The following TMEM116 variants were observed in gnomAD, a reference collection of about 807,000 sequenced individuals.
The protein encoded by TMEM116 is transmembrane protein 116.
A neutral mutation model predicts 44.3 loss-of-function variants in TMEM116; 38 were observed. That is an observed-to-expected ratio of 0.86 (90% CI 0.66 to 1.12). The LOEUF (loss-of-function observed/expected upper bound fraction) is 1.12. Ranked by LOEUF, TMEM116 falls within the 50% of genes most tolerant of loss-of-function variation. The pLI is 0.00. For missense variants in TMEM116, 354 were observed against 401.7 expected (o/e 0.88, Z 1.01); for synonymous variants, 132 against 144.8 (o/e 0.91, Z 0.64).
chr12:111,986,741 C>T (rs867626971), intron 4 of TMEM116, among the ~76,000 whole-genome samples: 1 of 151,500 alleles, frequency 6.6e-6, no homozygotes, highest in Admixed American at 6.6e-5. Flanking sequence ...CCCAGAAGGT[C>T]GAGGCTACAG....
intron 3 of TMEM116, among the ~76,000 whole-genome samples, chr12:112,001,665 T>A (rs976943592): frequency 2.0e-5 from 3 of 152,212 alleles, no homozygotes; most frequent in African/African-American, 7.2e-5. Context: ...TAGCTCTCTC[T>A]GTGTGTAAGT....
chr12:112,009,116 G>T (rs922313411), intron 1 of TMEM116, among the ~76,000 whole-genome samples: 29 of 152,100 alleles, frequency 1.9e-4, no homozygotes, highest in African/African-American at 9.7e-5. Flanking sequence ...TAGAATTCAC[G>T]GTGTAATGAT....
At position 112,013,034 on chromosome 12, in the gene TMEM116, G is replaced by C; in HGVS notation, c.-66C>G. 6.1e-6 allele frequency: 1 copy of C among 164,096 alleles called. No homozygotes were observed. The highest frequency in any genetic ancestry group is 1.3e-5 in the Non-Finnish European group (1 of 74,238). 10.2% of individuals were successfully genotyped at this position (164,096 alleles called of 1,614,324 possible). On this transcript the variant is annotated 5_prime_UTR_variant, in exon 1 of 11. Coordinates refer to ENST00000552374, the MANE Select transcript of TMEM116 (RefSeq NM_001193531.2). Reference sequence around the variant, plus strand: ...TGGAGCGGGTCCCAACCAACTGCCTGACGGCCCAAAGGCAGGAAGAAACGA... The same window carrying C: ...TGGAGCGGGTCCCAACCAACTGCCTCACGGCCCAAAGGCAGGAAGAAACGA...
chr12:111,938,273 C>A, intron 5 of TMEM116, 63 bp from the exon 6 acceptor site: 2 of 1,242,034 alleles, frequency 1.6e-6, no homozygotes, highest in South Asian at 1.5e-5. Context: ...TAATAAATAC[C>A]AGATCATCAG....
intron 4 of TMEM116, among the ~76,000 whole-genome samples, chr12:111,979,115 A>C (rs1027103593): frequency 3.9e-5 from 6 of 152,158 alleles, no homozygotes; most frequent in Admixed American, 3.9e-4. Context: ...TAGATCCATG[A>C]TCCATGAAAG....
chr12:111,938,539 T>C lies in TMEM116; in HGVS notation c.316-329A>G, dbSNP rs144564805. Among the ~76,000 whole-genome samples, 712 of 152,338 alleles carry C rather than the reference T, an allele frequency of 4.7e-3. 7 individuals carry two copies. The highest frequency in any genetic ancestry group is 0.016 in the African/African-American group (650 of 41,588). The stretch of plus-strand genomic sequence containing the variant: ...AAAGAAAGGCATATATGAAATCATA[T>C]AGTAACCCTCTATCTTCTAATAACA... On this transcript the variant is annotated intron_variant, in intron 5 of 10. Transcript: ENST00000552374.
At chr12:111,958,900 T>C (rs751114908) in intron 4 of TMEM116, among the ~76,000 whole-genome samples, 21 of 151,918 alleles carry the variant, frequency 1.4e-4, no homozygotes, top group Admixed American at 3.9e-4. Flanking sequence ...ATGGGGAAAA[T>C]GGAACCAAGA....
chr12:112,005,600 A>G, intron 1 of TMEM116: 2 of 738,436 alleles, frequency 2.7e-6, no homozygotes, highest in East Asian at 9.9e-5. Flanking sequence ...TGAGGCTCAT[A>G]CCTGTAATCC....
rs374443962 is a variant in TMEM116, at chr12:111,937,287, A to G, written c.366-44T>C. 5.5e-6 allele frequency: 8 copies of G among 1,443,036 alleles called. No individual in the cohort carries two copies. In the African/African-American group the frequency reaches 1.1e-4, roughly 20 times the overall value. The allele number at this position is 1,443,036 out of a possible 1,614,324, so 89.4% of individuals were successfully genotyped here. ...ATCACCCTAATATCCACTCTTTTTC[A>G]TGCCCTTCCTCCTTTGAAGAATATT... On this transcript the variant is annotated intron_variant, in intron 6 of 10. Coordinates refer to ENST00000552374, the MANE Select transcript of TMEM116 (RefSeq NM_001193531.2).
At chr12:112,012,471 G>A (rs964041224) in intron 1 of TMEM116, 14 of 152,202 alleles carry the variant, frequency 9.2e-5, no homozygotes, top group African/African-American at 3.4e-4. Context: ...TAGAAACGGG[G>A]TTTCACCATG....
At chr12:111,995,374 C>G (rs2076876105) in intron 3 of TMEM116, among the ~76,000 whole-genome samples, 1 of 151,952 alleles carries the variant, frequency 6.6e-6, no homozygotes, top group Non-Finnish European at 1.5e-5. Flanking sequence ...AAATATGAAG[C>G]TAGAACAATT....
intron 5 of TMEM116, among the ~76,000 whole-genome samples, chr12:111,940,548 C>CATATATATGTGTGTATATATATATATAT (rs1206246251): frequency 8.4e-6 from 1 of 119,002 alleles, no homozygotes; most frequent in Admixed American, 9.4e-5. Context: ...TATATATACA[C>CATATATATGTGTGTATATATATATATAT]ACACACATAT....
At chr12:111,990,283 AC>A (rs1279458543) in intron 4 of TMEM116, among the ~76,000 whole-genome samples, 1 of 151,926 alleles carries the variant, frequency 6.6e-6, no homozygotes, top group African/African-American at 2.4e-5. Context: ...AACATTAACC[AC>A]ATCTGTACCA....
chr12:112,007,286 C>A (rs757746037), intron 1 of TMEM116, among the ~76,000 whole-genome samples: 2 of 152,086 alleles, frequency 1.3e-5, no homozygotes, highest in Non-Finnish European at 2.9e-5. Context: ...GGGTGGCATG[C>A]GCCTGTAATC....
chr12:112,006,801 T>C (rs2077605841), intron 1 of TMEM116, among the ~76,000 whole-genome samples: 1 of 152,260 alleles, frequency 6.6e-6, no homozygotes, highest in African/African-American at 2.4e-5. Flanking sequence ...CATTCATTTA[T>C]GTAATTTATC....
chr12:112,005,148 T>C, intron 2 of TMEM116, 109 bp downstream of exon 2: 1 of 660,524 alleles, frequency 1.5e-6, no homozygotes, highest in Non-Finnish European at 2.4e-6. Context: ...ATATCATTTC[T>C]CTTTAACTAA....
chr12:111,991,006 G>A (rs2076531955), intron 4 of TMEM116, among the ~76,000 whole-genome samples: 1 of 152,062 alleles, frequency 6.6e-6, no homozygotes, highest in Non-Finnish European at 1.5e-5. Context: ...AGATCATGAG[G>A]TCAAGAGATC....
intron 3 of TMEM116, among the ~76,000 whole-genome samples, chr12:112,000,269 T>C (rs1391296394): frequency 2.0e-5 from 3 of 152,236 alleles, no homozygotes; most frequent in African/African-American, 2.4e-5. Context: ...TATCATTTTA[T>C]GTGTAGCAAT....
intron 4 of TMEM116, among the ~76,000 whole-genome samples, chr12:111,945,381 A>G (rs1202986057): frequency 6.7e-6 from 1 of 149,022 alleles, no homozygotes; most frequent in Non-Finnish European, 1.5e-5. Context: ...AAGAAGAAAT[A>G]GGTAATTTCA....
Sources: allele counts gnomAD v4.1 joint callset (sites outside exome capture counted in the v4.1 genomes callset), GRCh38; gene constraint gnomAD v4.1.1; transcripts MANE v1.5; gene names NCBI Gene and HGNC (gene_info 2026-07-23, HGNC 2026-07-21).